PACSIN2: variants seen among roughly 807,000 people sequenced by gnomAD.
The protein encoded by PACSIN2 is protein kinase C and casein kinase substrate in neurons protein 2.
Under a neutral mutation model 63.8 loss-of-function variants are expected in PACSIN2, and 25 were observed. The observed-to-expected ratio is 0.39, with a 90% CI of 0.29 to 0.55. The LOEUF (loss-of-function observed/expected upper bound fraction) is 0.55, where lower values mean the gene tolerates loss of function less well. Ranked by LOEUF, PACSIN2 falls within the 20% of genes least tolerant of loss-of-function variation. PACSIN2 has a pLI of 0.62. For synonymous variants in PACSIN2, 255 were observed against 256.2 expected (o/e 1.00, Z 0.05); for missense variants, 518 against 646.9 (o/e 0.80, Z 2.16).
chr22:42,997,494 G>A (rs1923488681), intron 1 of PACSIN2, among the ~76,000 whole-genome samples: 1 of 151,704 alleles, frequency 6.6e-6, no homozygotes, highest in African/African-American at 2.4e-5. Context: ...GGAGGCAGAG[G>A]TTGCAGTGAG....
At chr22:42,910,564 G>T (rs1248201858) in intron 2 of PACSIN2, among the ~76,000 whole-genome samples, 2 of 152,216 alleles carry the variant, frequency 1.3e-5, no homozygotes, top group Admixed American at 1.3e-4. Context: ...ACCACGTCGT[G>T]TAACTGCTGG....
chr22:42,973,073 C>G lies in PACSIN2; in HGVS notation c.-78+41948G>C, dbSNP rs186768041. Among the ~76,000 whole-genome samples, 667 of 152,308 alleles carry G rather than the reference C, an allele frequency of 4.4e-3. 7 individuals carry two copies. The highest frequency in any genetic ancestry group is 0.016 in the African/African-American group (649 of 41,576). On this transcript the variant is annotated intron_variant, in intron 1 of 10. Transcript: ENST00000263246. ...GAACTTTGACAGGGCAGTCATATAT[C>G]TGCCCACATACTGCAGCAAACACAT...
chr22:42,935,337 T>C (rs1045471625), intron 1 of PACSIN2, among the ~76,000 whole-genome samples: 1 of 152,136 alleles, frequency 6.6e-6, no homozygotes, highest in Non-Finnish European at 1.5e-5. Flanking sequence ...TAACTCACCA[T>C]TTCTCTCCTT....
Position 42,912,101 on chromosome 22 carries a change from C to G in PACSIN2, c.-21G>C. The G allele has an allele frequency of 6.3e-7, 1 of 1,577,528 alleles. No individual in the cohort carries two copies. The highest frequency in any genetic ancestry group is 1.2e-5 in the South Asian group (1 of 85,740). ...GACATTTTTTCAAAGGCTGAGGGAG[C>G]AGCAAAGTATACTTAGTCAGGGGTC... On this transcript the variant is annotated 5_prime_UTR_variant, in exon 2 of 11. Coordinates refer to ENST00000263246, the MANE Select transcript of PACSIN2 (RefSeq NM_001184970.3).
chr22:42,897,763 C>T (rs1386896653), intron 2 of PACSIN2, among the ~76,000 whole-genome samples: 2 of 152,172 alleles, frequency 1.3e-5, no homozygotes, highest in African/African-American at 4.8e-5. Flanking sequence ...GAGAGGTATC[C>T]TGAACGCAAT....
intron 4 of PACSIN2, among the ~76,000 whole-genome samples, chr22:42,889,794 C>A (rs1929770152): frequency 6.6e-6 from 1 of 151,740 alleles, no homozygotes; most frequent in African/African-American, 2.4e-5. Context: ...CAAGGCTCGA[C>A]AAAACTCAAT....
intron 1 of PACSIN2, among the ~76,000 whole-genome samples, chr22:42,922,300 C>CA (rs1932246324): frequency 6.6e-6 from 1 of 152,196 alleles, no homozygotes. Flanking sequence ...ATGATGTATT[C>CA]ACAAGGACAT....
At chr22:42,956,100 A>G (rs1395780991) in intron 1 of PACSIN2, among the ~76,000 whole-genome samples, 2 of 152,238 alleles carry the variant, frequency 1.3e-5, no homozygotes, top group Non-Finnish European at 2.9e-5. Context: ...CAAGGACTCC[A>G]CTGTAGAACA....
intron 4 of PACSIN2, 68 bp downstream of exon 4, chr22:42,890,878 GA>G: frequency 7.9e-7 from 1 of 1,262,142 alleles, no homozygotes; most frequent in Non-Finnish European, 1.1e-6. Context: ...CTAGGTGCAG[GA>G]GGTGGTGCTG....
At chr22:42,943,120 A>C (rs1933249911) in intron 1 of PACSIN2, among the ~76,000 whole-genome samples, 1 of 152,154 alleles carries the variant, frequency 6.6e-6, no homozygotes, top group African/African-American at 2.4e-5. Flanking sequence ...TCTCTTCATA[A>C]ATTTACTCCT....
intron 1 of PACSIN2, among the ~76,000 whole-genome samples, chr22:43,009,689 A>C (rs1231394404): frequency 3.3e-5 from 5 of 152,150 alleles, no homozygotes; most frequent in Admixed American, 1.3e-4. Flanking sequence ...CCCCTCTGTC[A>C]TCTCATATTC....
chr22:42,894,154 C>A (rs989153717), intron 2 of PACSIN2, among the ~76,000 whole-genome samples: 1 of 152,198 alleles, frequency 6.6e-6, no homozygotes. Context: ...GAATAAGTGT[C>A]CCCATTTTAC....
chr22:42,897,360 T>C (rs1037792775), intron 2 of PACSIN2, among the ~76,000 whole-genome samples: 3 of 152,350 alleles, frequency 2.0e-5, no homozygotes, highest in East Asian at 1.9e-4. Context: ...AGCACATATA[T>C]AGTTAACTAT....
intron 8 of PACSIN2, among the ~76,000 whole-genome samples, chr22:42,878,178 A>G (rs2146636376): frequency 6.6e-6 from 1 of 152,234 alleles, no homozygotes; most frequent in Admixed American, 6.5e-5. Flanking sequence ...GTCTCCTCTG[A>G]GGCAGTGTTT....
chr22:42,973,571 T>C (rs1426708379), intron 1 of PACSIN2, among the ~76,000 whole-genome samples: 1 of 152,266 alleles, frequency 6.6e-6, no homozygotes, highest in Non-Finnish European at 1.5e-5. Flanking sequence ...ACACATTTGA[T>C]AGCTGCAAAG....
chr22:42,876,402 A>C, intron 9 of PACSIN2, 69 bp from the exon 10 acceptor site: 1 of 1,374,614 alleles, frequency 7.3e-7, no homozygotes. Flanking sequence ...CCCGCCCCGC[A>C]AGGGGAGGGC....
intron 2 of PACSIN2, among the ~76,000 whole-genome samples, chr22:42,900,638 A>G (rs1224539146): frequency 6.6e-6 from 1 of 152,042 alleles, no homozygotes; most frequent in Non-Finnish European, 1.5e-5. Flanking sequence ...ACACCTGGCT[A>G]ATTTTTTATA....
intron 1 of PACSIN2, among the ~76,000 whole-genome samples, chr22:42,983,547 C>A (rs1922396733): frequency 6.8e-6 from 1 of 146,728 alleles, no homozygotes; most frequent in Non-Finnish European, 1.5e-5. Context: ...GTGGCATATG[C>A]AAAAAAAATA....
chr22:42,977,106 C>T (rs569035334), intron 1 of PACSIN2, among the ~76,000 whole-genome samples: 16 of 152,238 alleles, frequency 1.1e-4, no homozygotes, highest in African/African-American at 3.9e-4. Context: ...ACACATATTA[C>T]ATTCATATGA....
Sources: gnomAD v4.1 joint callset for allele counts (sites outside exome capture counted in the v4.1 genomes callset) on GRCh38, gnomAD v4.1.1 for gene constraint, MANE v1.5 for transcripts, NCBI Gene and HGNC (gene_info 2026-07-23, HGNC 2026-07-21) for gene names.